The following CMKLR2 variants were observed in gnomAD, a reference collection of about 807,000 sequenced individuals.
The protein encoded by CMKLR2 is chemerin chemokine-like receptor 2.
A neutral mutation model predicts 23.0 loss-of-function variants in CMKLR2; 18 were observed. That is an observed-to-expected ratio of 0.78 (90% CI 0.54 to 1.16). CMKLR2 has a LOEUF of 1.16. CMKLR2 is among the 50% of genes most tolerant of loss of function. The pLI, the probability that CMKLR2 is intolerant of heterozygous loss-of-function variation, is 0.00. For synonymous variants in CMKLR2, 158 were observed against 158.9 expected (o/e 0.99, Z 0.05); for missense variants, 401 against 412.7 (o/e 0.97, Z 0.25).
chr2:206,190,530 A>G (rs533762102), intron 1 of CMKLR2, among the ~76,000 whole-genome samples: 1 of 152,316 alleles, frequency 6.6e-6, no homozygotes, highest in East Asian at 1.9e-4. Flanking sequence ...GAGATGAGGG[A>G]GATGTATTTG....
At chr2:206,203,114 A>C (rs1689161138) in intron 1 of CMKLR2, among the ~76,000 whole-genome samples, 1 of 149,246 alleles carries the variant, frequency 6.7e-6, no homozygotes, top group Non-Finnish European at 1.5e-5. Flanking sequence ...TCAGGAGTTC[A>C]AGACCAGCCT....
At chr2:206,203,479 G>A (rs1351066307) in intron 1 of CMKLR2, 1 of 152,158 alleles carries the variant, frequency 6.6e-6, no homozygotes, top group Non-Finnish European at 1.5e-5. Flanking sequence ...AATGGCCAGT[G>A]GTTTAATCAA....
At chr2:206,185,363 A>C (rs1688547444) in intron 1 of CMKLR2, among the ~76,000 whole-genome samples, 1 of 152,154 alleles carries the variant, frequency 6.6e-6, no homozygotes, top group South Asian at 2.1e-4. Flanking sequence ...GAGGTGAGGG[A>C]ATTAGTCGTG....
intron 1 of CMKLR2, among the ~76,000 whole-genome samples, chr2:206,179,127 G>A (rs1688326588): frequency 8.0e-6 from 1 of 124,938 alleles, no homozygotes; most frequent in Non-Finnish European, 1.6e-5. Flanking sequence ...CCAGGCTGGA[G>A]TGCAATGGTG....
At chr2:206,184,592 A>C (rs146415105) in intron 1 of CMKLR2, among the ~76,000 whole-genome samples, 1 of 151,898 alleles carries the variant, frequency 6.6e-6, no homozygotes, top group African/African-American at 2.4e-5. Flanking sequence ...ACCGTGCCCA[A>C]CCTAGACCCC....
Position 206,176,200 on chromosome 2 carries a change from GAC to G in CMKLR2, c.1046_1047del (p.Cys349SerfsTer36), listed in dbSNP as rs758097059. 180 of 1,611,598 alleles carry G rather than the reference GAC, an allele frequency of 1.1e-4. 3 individuals carry two copies. In the South Asian group the frequency reaches 1.7e-3, roughly 15 times the overall value. ...QLRNSETKNLCLLETAQ is the reference protein window; with the variant it reads ...QLRNSETKNLXLLETAQ ...ATAACTTATTGAGCTGTTTCCAGGA[GAC>G]ACAGATTCTTGGTTTCTGAGTTCCT... is the stretch of plus-strand genomic sequence containing the variant. On this transcript the variant is annotated frameshift_variant, in exon 2 of 2. Coordinates refer to ENST00000621141, the MANE Select transcript of CMKLR2 (RefSeq NM_001389445.1). LOFTEE classifies it high-confidence loss of function.
At position 206,212,880 on chromosome 2, in the gene CMKLR2, G is replaced by A. The variant is rs375104895; in HGVS notation, c.-29+427C>T. Among the ~76,000 whole-genome samples the A allele has an allele frequency of 1.1e-4, 16 of 152,120 alleles. No homozygotes were observed. The South Asian group carries it at 3.1e-3, about 30-fold the overall frequency. On this transcript the variant is annotated intron_variant, in intron 1 of 1. Coordinates refer to ENST00000621141, the MANE Select transcript of CMKLR2 (RefSeq NM_001389445.1). ...AGAGGGCAATATCAGCTTTCATCTC[G>A]GAGTACCATTTTTTTCTACTAGTTT...
Position 206,176,512 on chromosome 2 carries a change from A to T in CMKLR2, c.736T>A (p.Trp246Arg), listed in dbSNP as rs979278947. The change falls in exon 2 of 2, where the codon TGG (tryptophan) becomes AGG (arginine). Residue 246 changes from tryptophan to arginine, a missense_variant. Coordinates refer to ENST00000621141, the MANE Select transcript of CMKLR2 (RefSeq NM_001389445.1). Reference sequence around the variant, plus strand: ...GCCACAACCACAACCAGAATTGTCCAGAAATGCCTACTGGAGATCAGGATG... The same window carrying T: ...GCCACAACCACAACCAGAATTGTCCTGAAATGCCTACTGGAGATCAGGATG... ...RSILISSRHF[W>R]TILVVVVAFV... 4 of 1,614,102 alleles carry T rather than the reference A, an allele frequency of 2.5e-6. No individual in the cohort carries two copies. The African/African-American group carries it at 5.3e-5, about 22-fold the overall frequency.
Position 206,176,259 on chromosome 2 carries a change from A to C in CMKLR2, c.989T>G (p.Val330Gly), listed in dbSNP as rs2105795357. 1.2e-6 allele frequency: 2 copies of C among 1,614,196 alleles called. No individual in the cohort carries two copies. The highest frequency in any genetic ancestry group is 1.7e-6 in the Non-Finnish European group (2 of 1,180,044). The change falls in exon 2 of 2, where the codon GTC becomes GGC. Residue 330 changes from valine (V) to glycine (G), a missense_variant. Val to Gly is a moderately radical substitution (Grantham distance 109). Coordinates refer to ENST00000621141, the MANE Select transcript of CMKLR2 (RefSeq NM_001389445.1). ...AEILKYTLWE[V>G]SCSGTVSEQL... ...TTCACTCACTGTGCCAGAACAGCTG[A>C]CTTCCCACAGTGTGTACTTGAGTAT... is the stretch of plus-strand genomic sequence containing the variant.
intron 1 of CMKLR2, 25 bp from the exon 2 acceptor site, chr2:206,177,300 A>C: frequency 8.6e-7 from 1 of 1,163,264 alleles, no homozygotes; most frequent in Non-Finnish European, 1.2e-6. Context: ...TTAAAAAGAA[A>C]GAAAAAATTT....
At chr2:206,195,822 C>T (rs567023393) in intron 1 of CMKLR2, among the ~76,000 whole-genome samples, 38 of 152,036 alleles carry the variant, frequency 2.5e-4, no homozygotes, top group Non-Finnish European at 5.3e-4. Context: ...GGAGCAGTGG[C>T]GCATGCCTGT....
intron 1 of CMKLR2, among the ~76,000 whole-genome samples, chr2:206,178,416 C>T (rs1351697511): frequency 6.6e-6 from 1 of 152,086 alleles, no homozygotes; most frequent in African/African-American, 2.4e-5. Flanking sequence ...GTTTTGAGTC[C>T]ATGTTTATGA....
intron 1 of CMKLR2, among the ~76,000 whole-genome samples, chr2:206,199,595 T>TC (rs1310522975): frequency 8.1e-6 from 1 of 122,782 alleles, no homozygotes; most frequent in African/African-American, 3.4e-5. Flanking sequence ...ATTACGGCAT[T>TC]TTTTTTTTTT....
chr2:206,179,759 C>G (rs1688353716), intron 1 of CMKLR2, among the ~76,000 whole-genome samples: 1 of 152,034 alleles, frequency 6.6e-6, no homozygotes, highest in Admixed American at 6.6e-5. Flanking sequence ...CTATTTCTAT[C>G]TGTAGTATTG....
intron 1 of CMKLR2, among the ~76,000 whole-genome samples, chr2:206,186,837 C>A (rs931405542): frequency 2.1e-5 from 3 of 145,090 alleles, no homozygotes; most frequent in African/African-American, 7.7e-5. Context: ...GTCACCCAGG[C>A]TGGAGAGCAG....
At chr2:206,205,509 C>G (rs950622633) in intron 1 of CMKLR2, among the ~76,000 whole-genome samples, 1 of 151,836 alleles carries the variant, frequency 6.6e-6, no homozygotes, top group Non-Finnish European at 1.5e-5. Flanking sequence ...ACTACAGGTG[C>G]TCACCACCAC....
intron 1 of CMKLR2, among the ~76,000 whole-genome samples, chr2:206,184,300 C>CTCT (rs1553513585): frequency 1.4e-5 from 2 of 142,454 alleles, no homozygotes; most frequent in African/African-American, 2.6e-5. Flanking sequence ...CTCTCTCTCT[C>CTCT]TTTTTTTTTT....
chr2:206,200,957 CT>C (rs1689075502), intron 1 of CMKLR2, among the ~76,000 whole-genome samples: 1 of 151,960 alleles, frequency 6.6e-6, no homozygotes, highest in South Asian at 2.1e-4. Context: ...TTTATTTTTA[CT>C]GTTATTTTTT....
intron 1 of CMKLR2, among the ~76,000 whole-genome samples, chr2:206,193,505 G>T (rs376858125): frequency 6.6e-6 from 1 of 152,186 alleles, no homozygotes; most frequent in African/African-American, 2.4e-5. Flanking sequence ...CTTTACATTT[G>T]TAGGGCATGT....
Sources: gnomAD v4.1 joint callset for allele counts (sites outside exome capture counted in the v4.1 genomes callset) on GRCh38, gnomAD v4.1.1 for gene constraint, MANE v1.5 for transcripts, NCBI Gene and HGNC (gene_info 2026-07-23, HGNC 2026-07-21) for gene names.